The following KCNIP4 variants were observed in gnomAD, a reference collection of about 807,000 sequenced individuals.
KCNIP4 encodes the protein Kv channel-interacting protein 4.
A neutral mutation model predicts 34.0 loss-of-function variants in KCNIP4; 12 were observed. That is an observed-to-expected ratio of 0.35 (90% CI 0.23 to 0.57). The LOEUF (loss-of-function observed/expected upper bound fraction) is 0.57, where lower values mean the gene tolerates loss of function less well. Among genes scored for constraint, KCNIP4 ranks in the 20% least tolerant of loss-of-function variants. KCNIP4 has a pLI of 0.83. For missense variants in KCNIP4, 238 were observed against 311.7 expected, an observed-to-expected ratio of 0.76 and a Z score of 1.78; for synonymous variants, 124 against 102.2, an observed-to-expected ratio of 1.21 and a Z score of -1.29.
intron 1 of KCNIP4, among the ~76,000 whole-genome samples, chr4:21,936,161 G>C (rs1013592157): frequency 4.6e-5 from 7 of 152,050 alleles, no homozygotes; most frequent in African/African-American, 1.7e-4. Context: ...TGGTTTGGCT[G>C]TGTCCCCACC....
intron 1 of KCNIP4, among the ~76,000 whole-genome samples, chr4:21,545,559 G>C (rs12645556): frequency 6.6e-6 from 1 of 151,442 alleles, no homozygotes; most frequent in Non-Finnish European, 1.5e-5. Context: ...CGACAGGCCC[G>C]GTGAGAGATA....
chr4:21,136,473 T>C (rs1186707943), intron 1 of KCNIP4, among the ~76,000 whole-genome samples: 1 of 152,108 alleles, frequency 6.6e-6, no homozygotes, highest in African/African-American at 2.4e-5. Flanking sequence ...AGGCATTGGG[T>C]TTTCACTGGG....
chr4:21,865,043 T>C (rs936022145), intron 1 of KCNIP4, among the ~76,000 whole-genome samples: 5 of 152,070 alleles, frequency 3.3e-5, no homozygotes, highest in Non-Finnish European at 7.4e-5. Context: ...TGGAACTCCA[T>C]GCATGGTCCC....
intron 1 of KCNIP4, among the ~76,000 whole-genome samples, chr4:21,144,957 A>G (rs1389310435): frequency 2.1e-5 from 3 of 145,828 alleles, no homozygotes; most frequent in Non-Finnish European, 4.5e-5. Flanking sequence ...CACTTTTACA[A>G]TTTTAGAGGG....
At chr4:21,497,183 G>A (rs532286998) in intron 1 of KCNIP4, among the ~76,000 whole-genome samples, 1 of 152,154 alleles carries the variant, frequency 6.6e-6, no homozygotes, top group Non-Finnish European at 1.5e-5. Context: ...GATGTAAAGA[G>A]CATCCTCTGG....
intron 1 of KCNIP4, among the ~76,000 whole-genome samples, chr4:21,184,213 G>T (rs1755047263): frequency 6.6e-6 from 1 of 151,938 alleles, no homozygotes; most frequent in Non-Finnish European, 1.5e-5. Flanking sequence ...TGCCTCATAG[G>T]ATTATTGTGA....
intron 3 of KCNIP4, among the ~76,000 whole-genome samples, chr4:20,803,703 AAGAGAGAGAGAG>A (rs57764706): frequency 7.9e-6 from 1 of 125,796 alleles, no homozygotes; most frequent in Non-Finnish European, 1.6e-5. Context: ...GAGAGAGAGA[AAGAGAGAGAGAG>A]AGAGAGAGAG....
At chr4:21,225,220 C>A (rs2109008632) in intron 1 of KCNIP4, among the ~76,000 whole-genome samples, 1 of 152,196 alleles carries the variant, frequency 6.6e-6, no homozygotes. Context: ...ATCCTTTATC[C>A]ACCTCAGGTA....
At chr4:21,597,116 A>ATTGAATCTC (rs1560547382) in intron 1 of KCNIP4, among the ~76,000 whole-genome samples, 1 of 152,052 alleles carries the variant, frequency 6.6e-6, no homozygotes, top group East Asian at 1.9e-4. Context: ...CTCAAATCTC[A>ATTGAATCTC]TCTTGAATTG....
chr4:21,715,293 G>A (rs550273577), intron 1 of KCNIP4, among the ~76,000 whole-genome samples: 23 of 151,618 alleles, frequency 1.5e-4, no homozygotes, highest in African/African-American at 3.4e-4. Context: ...CATCATGCCC[G>A]GCTAATTTTT....
chr4:21,062,526 GTGCA>G (rs1283129845), intron 1 of KCNIP4, among the ~76,000 whole-genome samples: 1 of 138,128 alleles, frequency 7.2e-6, no homozygotes, highest in Non-Finnish European at 1.6e-5. Context: ...GTATGTGTGT[GTGCA>G]TGTGTGTGTG....
intron 1 of KCNIP4, among the ~76,000 whole-genome samples, chr4:21,067,855 A>C (rs1454788311): frequency 6.6e-6 from 1 of 152,054 alleles, no homozygotes; most frequent in Admixed American, 6.6e-5. Flanking sequence ...GAAGTTTCTC[A>C]CCCTTTCTCA....
intron 1 of KCNIP4, among the ~76,000 whole-genome samples, chr4:21,573,349 G>A (rs977212070): frequency 6.6e-6 from 1 of 152,050 alleles, no homozygotes; most frequent in East Asian, 1.9e-4. Context: ...ATCAGTGGCT[G>A]TTTCTCCCTA....
intron 3 of KCNIP4, among the ~76,000 whole-genome samples, chr4:20,777,202 T>C (rs1756450827): frequency 6.6e-6 from 1 of 152,170 alleles, no homozygotes; most frequent in South Asian, 2.1e-4. Flanking sequence ...CATGTCCTTC[T>C]TCACATGGCA....
chr4:20,958,531 G>C (rs1733535990), intron 1 of KCNIP4, among the ~76,000 whole-genome samples: 1 of 152,158 alleles, frequency 6.6e-6, no homozygotes, highest in Non-Finnish European at 1.5e-5. Context: ...AATACGTAAA[G>C]TGTGGTTTCC....
At chr4:21,662,444 T>G (rs934457078) in intron 1 of KCNIP4, among the ~76,000 whole-genome samples, 1 of 152,206 alleles carries the variant, frequency 6.6e-6, no homozygotes, top group African/African-American at 2.4e-5. Context: ...TACCATAACA[T>G]CTGCCTACAA....
At chr4:21,569,308 C>T (rs1355541768) in intron 1 of KCNIP4, among the ~76,000 whole-genome samples, 1 of 98,734 alleles carries the variant, frequency 1.0e-5, no homozygotes, top group South Asian at 3.8e-4. Flanking sequence ...AATATTTCAA[C>T]ATAATAACAC....
intron 1 of KCNIP4, among the ~76,000 whole-genome samples, chr4:21,504,956 T>C (rs1439111471): frequency 2.6e-5 from 4 of 152,172 alleles, no homozygotes; most frequent in African/African-American, 9.6e-5. Flanking sequence ...CAATAAAAGT[T>C]TATTAATATT....
At position 21,781,495 on chromosome 4, in the gene KCNIP4, T is replaced by C. The variant is rs148566429; in HGVS notation, c.61+167076A>G. On this transcript the variant is annotated intron_variant, in intron 1 of 8. Coordinates refer to ENST00000382152, the MANE Select transcript of KCNIP4 (RefSeq NM_025221.6). ...TTCAACGTGTATATTTGAGAGTCAC[T>C]ATTCACCCATAACAAAGACATTCTC... is the stretch of plus-strand genomic sequence containing the variant. 3.1e-3 allele frequency among the ~76,000 whole-genome samples: 468 copies of C among 152,238 alleles called. 1 individual carries two copies. The highest frequency in any genetic ancestry group is 0.011 in the African/African-American group (446 of 41,554).
Sources: gnomAD v4.1 joint callset for allele counts (sites outside exome capture counted in the v4.1 genomes callset) on GRCh38, gnomAD v4.1.1 for gene constraint, MANE v1.5 for transcripts, NCBI Gene and HGNC (gene_info 2026-07-23, HGNC 2026-07-21) for gene names.